NPLOC4: variants seen among roughly 807,000 people sequenced by gnomAD.
NPLOC4 encodes the protein nuclear protein localization protein 4 homolog.
In NPLOC4, 18 loss-of-function variants were observed where a neutral mutation model predicts 80.6. The observed-to-expected ratio is 0.22, with a 90% CI of 0.15 to 0.33. The LOEUF (loss-of-function observed/expected upper bound fraction) is 0.33, where lower values mean the gene tolerates loss of function less well. NPLOC4 is among the 10% of genes least tolerant of loss of function. The pLI is 1.00. For synonymous variants in NPLOC4, 313 were observed against 301.5 expected (o/e 1.04, Z -0.39); for missense variants, 540 against 786.1 (o/e 0.69, Z 3.74).
Position 81,627,259 on chromosome 17 carries a change from G to A in NPLOC4, c.96+2466C>T, listed in dbSNP as rs576172663. Among the ~76,000 whole-genome samples, 6 of 152,058 alleles carry A rather than the reference G, an allele frequency of 3.9e-5. No homozygotes were observed. The South Asian group carries it at 1.0e-3, about 26-fold the overall frequency. The stretch of plus-strand genomic sequence containing the variant: ...CAAAAAACATTAGCCGGGCATGGTG[G>A]CGGGTGCCTGTAGTCCCAGCTACTC... On this transcript the variant is annotated intron_variant, in intron 2 of 16. Coordinates refer to ENST00000331134, the MANE Select transcript of NPLOC4 (RefSeq NM_017921.4).
In NPLOC4 at chr17:81,598,709, G is replaced by A. The variant is rs926297335; in HGVS notation, c.922-1393C>T. On this transcript the variant is annotated intron_variant, in intron 9 of 16. Coordinates refer to ENST00000331134, the MANE Select transcript of NPLOC4 (RefSeq NM_017921.4). ...CTGTGAATTCCTGCACCAGAAGCCC[G>A]TCACGAGGCCACAGGAGCAGCAGTT... Among the ~76,000 whole-genome samples, 4 of 152,114 alleles carry A rather than the reference G, an allele frequency of 2.6e-5. No individual in the cohort carries two copies. The South Asian group carries it at 6.2e-4, about 24-fold the overall frequency.
chr17:81,632,046 A>G (rs2035945738), intron 1 of NPLOC4, among the ~76,000 whole-genome samples: 1 of 147,750 alleles, frequency 6.8e-6, no homozygotes, highest in South Asian at 2.1e-4. Context: ...TGCAACCTCC[A>G]CTCACTGCAA....
intron 8 of NPLOC4, among the ~76,000 whole-genome samples, chr17:81,604,342 A>G (rs1465705996): frequency 1.3e-5 from 2 of 152,146 alleles, no homozygotes; most frequent in Non-Finnish European, 2.9e-5. Context: ...GTGTAAGAAA[A>G]TATCCTTATC....
chr17:81,582,232 A>C (rs531326129), intron 12 of NPLOC4, among the ~76,000 whole-genome samples: 7 of 152,354 alleles, frequency 4.6e-5, no homozygotes, highest in African/African-American at 1.4e-4. Context: ...CCGTGAGGTA[A>C]GCGAGCTGTG....
At chr17:81,626,211 G>A (rs1293874685) in intron 2 of NPLOC4, among the ~76,000 whole-genome samples, 6 of 151,316 alleles carry the variant, frequency 4.0e-5, no homozygotes, top group Non-Finnish European at 8.8e-5. Context: ...AGTTACTCGG[G>A]AGGCTGAGCC....
intron 12 of NPLOC4, among the ~76,000 whole-genome samples, chr17:81,582,701 T>A (rs2034475980): frequency 6.6e-6 from 1 of 152,136 alleles, no homozygotes; most frequent in Non-Finnish European, 1.5e-5. Flanking sequence ...CCACACCTAG[T>A]CTATTAGTAT....
In NPLOC4 at chr17:81,610,334, G is replaced by A. The variant is rs929530257; in HGVS notation, c.387-76C>T. Reference sequence around the variant, plus strand: ...TCCGCTGCTGCTGTCTCACATGCACGTCCTACTTTAACAGAGTGTTTCCCT... The same window carrying A: ...TCCGCTGCTGCTGTCTCACATGCACATCCTACTTTAACAGAGTGTTTCCCT... On this transcript the variant is annotated intron_variant, in intron 4 of 16. Transcript: ENST00000331134. 209 of 1,339,864 alleles carry A rather than the reference G, an allele frequency of 1.6e-4. 1 individual carries two copies. The highest frequency in any genetic ancestry group is 1.3e-3 in the South Asian group (102 of 79,492). 83.0% of individuals were successfully genotyped at this position (1,339,864 alleles called of 1,614,324 possible). A position where few individuals can be genotyped will look rare whatever the true frequency, so the allele number is the denominator to read the frequency against.
intron 7 of NPLOC4, among the ~76,000 whole-genome samples, chr17:81,605,429 T>C (rs1011014335): frequency 2.0e-5 from 3 of 152,080 alleles, no homozygotes; most frequent in African/African-American, 7.2e-5. Context: ...GCGGATCTCT[T>C]GAGTCCAGGA....
intron 12 of NPLOC4, among the ~76,000 whole-genome samples, chr17:81,579,100 C>T (rs753123382): frequency 2.6e-5 from 4 of 152,180 alleles, no homozygotes; most frequent in African/African-American, 9.7e-5. Flanking sequence ...TACTGTTTAG[C>T]GTGGTGGCTC....
intron 3 of NPLOC4, 38 bp from the exon 4 acceptor site, chr17:81,613,532 A>C: frequency 6.3e-7 from 1 of 1,579,960 alleles, no homozygotes; most frequent in East Asian, 2.3e-5. Context: ...GCCTTCCCTT[A>C]CCACCTGAGC....
At chr17:81,613,125 G>T (rs1468139434) in intron 4 of NPLOC4, 193 bp downstream of exon 4, 1 of 366,718 alleles carries the variant, frequency 2.7e-6, no homozygotes, top group East Asian at 6.5e-5. Flanking sequence ...CTGATAAAAA[G>T]CTAAAAAAAA....
At chr17:81,599,767 A>T (rs563675732) in intron 9 of NPLOC4, among the ~76,000 whole-genome samples, 11 of 152,378 alleles carry the variant, frequency 7.2e-5, no homozygotes, top group African/African-American at 2.4e-4. Context: ...AGAATAAAAA[A>T]GGAAATCCTT....
At chr17:81,559,803 G>A (rs942515509) in intron 16 of NPLOC4, among the ~76,000 whole-genome samples, 1 of 148,778 alleles carries the variant, frequency 6.7e-6, no homozygotes, top group Non-Finnish European at 1.5e-5. Context: ...CACGATCTCG[G>A]CTCACTGCAA....
At chr17:81,614,348 C>T (rs1379257792) in intron 3 of NPLOC4, 1 of 150,428 alleles carries the variant, frequency 6.6e-6, no homozygotes. Flanking sequence ...TCATAAAATC[C>T]TCCAAATATA....
chr17:81,604,143 C>G (rs914242194), intron 8 of NPLOC4, among the ~76,000 whole-genome samples: 9 of 152,128 alleles, frequency 5.9e-5, no homozygotes, highest in African/African-American at 1.9e-4. Flanking sequence ...TCTGGTGACA[C>G]TCTGGTGATT....
Position 81,580,347 on chromosome 17 carries a change from A to C in NPLOC4, c.1282-8259T>G, listed in dbSNP as rs983928767. Among the ~76,000 whole-genome samples the C allele has an allele frequency of 1.3e-5, 2 of 151,694 alleles. No individual in the cohort carries two copies. The highest frequency in any genetic ancestry group is 4.8e-5 in the African/African-American group (2 of 41,272). ...ATCACACCACACACTCAACCCCCTC[A>C]CTACTGCACAGCCATCTCTACTCTC... On this transcript the variant is annotated intron_variant, in intron 12 of 16. Coordinates refer to ENST00000331134, the MANE Select transcript of NPLOC4 (RefSeq NM_017921.4). The surrounding 1 kb of genome is among the most constrained non-coding windows in gnomAD (Gnocchi z 4.4).
In NPLOC4 at chr17:81,586,144, C is replaced by T. The variant is rs901994343; in HGVS notation, c.1281+2800G>A. ...GGGAGGCAGGGGCCTGAATCCAAAC[C>T]AGATAAGAAGACCCCCAGCAAAGGG... On this transcript the variant is annotated intron_variant, in intron 12 of 16. Coordinates refer to ENST00000331134, the MANE Select transcript of NPLOC4 (RefSeq NM_017921.4). Among the ~76,000 whole-genome samples, 4 of 152,102 alleles carry T rather than the reference C, an allele frequency of 2.6e-5. No homozygotes were observed. The East Asian group carries it at 7.7e-4, about 29-fold the overall frequency.
chr17:81,594,217 G>C (rs2144162985), intron 11 of NPLOC4, among the ~76,000 whole-genome samples: 1 of 133,846 alleles, frequency 7.5e-6, no homozygotes, highest in South Asian at 2.5e-4. Flanking sequence ...GGAGCTTGCA[G>C]TGAGCCAAGA....
Position 81,610,221 on chromosome 17 carries a change from C to T in NPLOC4, c.424G>A (p.Val142Ile), listed in dbSNP as rs761210595. Residue 142 changes from valine (V) to isoleucine (I), a missense_variant, in exon 5 of 17, where the codon GTC becomes ATC. Around this residue, in one of 6 missense-constraint regions of NPLOC4, gnomAD observed 74 missense variants for 75.7 expected, o/e 0.98. Transcript: ENST00000331134. ...GCAGAGACTCTCACCTCTAGAGGGA[C>T]GCAGTGCACGCATTTCCCCAAAGGG... ...HGPLGKCVHC[V>I]PLEPFDEDYL... The T allele has an allele frequency of 3.2e-6, 5 of 1,574,210 alleles. No homozygotes were observed. Among genetic ancestry groups the T allele is most frequent in the South Asian group, 1.2e-5 (1 of 85,210 alleles).
Sources: allele counts gnomAD v4.1 joint callset (sites outside exome capture counted in the v4.1 genomes callset), GRCh38; gene constraint gnomAD v4.1.1; regional missense constraint gnomAD v4.1.1; non-coding constraint Gnocchi (gnomAD v3.1); transcripts MANE v1.5; gene names NCBI Gene and HGNC (gene_info 2026-07-23, HGNC 2026-07-21).